The following DPP6 variants were observed in gnomAD, a reference collection of about 807,000 sequenced individuals.
DPP6 encodes the protein A-type potassium channel modulatory protein DPP6.
DPP6 carries 69 observed loss-of-function variants against 122.6 expected under a neutral mutation model. The observed-to-expected ratio is 0.56, with a 90% CI of 0.46 to 0.69. The LOEUF (loss-of-function observed/expected upper bound fraction) is 0.69. DPP6 is among the 30% of genes least tolerant of loss of function. The probability of loss-of-function intolerance (pLI) is 0.00; values close to 1 mark genes in which losing one functional copy is unlikely to be tolerated. For missense variants in DPP6, 928 were observed against 1,116.9 expected, an observed-to-expected ratio of 0.83 and a Z score of 2.41; for synonymous variants, 418 against 433.1, an observed-to-expected ratio of 0.97 and a Z score of 0.43.
chr7:154,879,460 G>A (rs1226714981), intron 20 of DPP6, among the ~76,000 whole-genome samples: 1 of 134,988 alleles, frequency 7.4e-6, no homozygotes, highest in African/African-American at 3.0e-5. Context: ...CGAGGTGGCG[G>A]GCACCTGTAG....
Position 154,755,993 on chromosome 7 carries a change from G to A in DPP6, c.884-13424G>A, listed in dbSNP as rs778465139. Among the ~76,000 whole-genome samples the A allele has an allele frequency of 1.3e-5, 2 of 152,228 alleles. No individual in the cohort carries two copies. The highest frequency in any genetic ancestry group is 2.4e-5 in the African/African-American group (1 of 41,436). Reference sequence around the variant, plus strand: ...TTGCAGAGGAAATATGCTTTTTGCAGAGGGCTTAGAAAACGTGCAGTGAAA... The same window carrying A: ...TTGCAGAGGAAATATGCTTTTTGCAAAGGGCTTAGAAAACGTGCAGTGAAA... On this transcript the variant is annotated intron_variant, in intron 8 of 25. Transcript: ENST00000377770. This position sits in a 1 kb window ranked among gnomAD's most constrained non-coding sequence, Gnocchi z 4.7.
intron 1 of DPP6, among the ~76,000 whole-genome samples, chr7:154,012,161 T>A: frequency 6.6e-6 from 1 of 152,214 alleles, no homozygotes; most frequent in East Asian, 1.9e-4. Context: ...AGTCCACATA[T>A]TCAATTTCTT....
intron 1 of DPP6, among the ~76,000 whole-genome samples, chr7:154,201,926 T>G (rs1799195633): frequency 6.6e-6 from 1 of 152,246 alleles, no homozygotes; most frequent in Non-Finnish European, 1.5e-5. Flanking sequence ...ATCATTGCAA[T>G]AATTCTTGTA....
chr7:154,291,186 ATTGGGACCTT>A (rs1805184276), intron 1 of DPP6, among the ~76,000 whole-genome samples: 1 of 152,268 alleles, frequency 6.6e-6, no homozygotes, highest in South Asian at 2.1e-4. Flanking sequence ...GTTAGGACCT[ATTGGGACCTT>A]TTACTTGCCC....
intron 1 of DPP6, among the ~76,000 whole-genome samples, chr7:154,186,991 A>G (rs1798383268): frequency 6.6e-6 from 1 of 152,226 alleles, no homozygotes; most frequent in African/African-American, 2.4e-5. Flanking sequence ...TTCCTGAGCC[A>G]GTTCCCGTTT....
intron 1 of DPP6, among the ~76,000 whole-genome samples, chr7:153,943,513 G>A (rs1801794098): frequency 6.6e-6 from 1 of 152,102 alleles, no homozygotes; most frequent in Non-Finnish European, 1.5e-5. Flanking sequence ...AGTAGGGAGG[G>A]CAGGGCTGGG....
intron 1 of DPP6, among the ~76,000 whole-genome samples, chr7:154,232,030 T>A (rs1800949769): frequency 6.6e-6 from 1 of 152,166 alleles, no homozygotes; most frequent in Admixed American, 6.5e-5. Flanking sequence ...GCCTCGTGTT[T>A]CATGGTGCAG....
intron 1 of DPP6, among the ~76,000 whole-genome samples, chr7:154,066,890 T>C (rs1208998386): frequency 6.6e-6 from 1 of 151,676 alleles, no homozygotes; most frequent in Non-Finnish European, 1.5e-5. Flanking sequence ...TCTAGAATAG[T>C]GCAGTTGGTT....
At chr7:154,578,093 T>A (rs1301358202) in intron 5 of DPP6, among the ~76,000 whole-genome samples, 1 of 152,222 alleles carries the variant, frequency 6.6e-6, no homozygotes, top group Non-Finnish European at 1.5e-5. Context: ...ATCACACGCA[T>A]TGCCCTTTTA....
chr7:154,647,280 G>A (rs749499398), intron 6 of DPP6, among the ~76,000 whole-genome samples: 13 of 152,150 alleles, frequency 8.5e-5, no homozygotes, highest in Non-Finnish European at 1.6e-4. Flanking sequence ...TGGCCTGCTC[G>A]CCCCTTTACT....
chr7:154,763,070 G>A lies in DPP6; in HGVS notation c.884-6347G>A, dbSNP rs140339882. On this transcript the variant is annotated intron_variant, in intron 8 of 25. Coordinates refer to ENST00000377770, the MANE Select transcript of DPP6 (RefSeq NM_130797.4). ...CTGCCAGCTGGGTGCGGTGGCTCAC[G>A]CCTGTAATCCCAGCACTTTGGGAGG... 5.1e-3 allele frequency among the ~76,000 whole-genome samples: 778 copies of A among 152,316 alleles called. 4 individuals carry two copies. The highest frequency in any genetic ancestry group is 0.02 in the Middle Eastern group (6 of 294).
At chr7:154,553,913 A>C (rs1829827225) in intron 4 of DPP6, among the ~76,000 whole-genome samples, 1 of 151,870 alleles carries the variant, frequency 6.6e-6, no homozygotes, top group African/African-American at 2.4e-5. Flanking sequence ...AAAAAAAAAA[A>C]AAAAAAAAAA....
rs1430555667 is a variant in DPP6, at chr7:154,067,913, T to G, written c.243+14850T>G. ...CCACTCAAGGTTTTTTTTTGTTTTT[T>G]TTTTGTTTGTTTGTTTGTTTGTTTT... On this transcript the variant is annotated intron_variant, in intron 1 of 25. Transcript: ENST00000377770. Among the ~76,000 whole-genome samples the G allele has an allele frequency of 1.4e-5, 2 of 146,414 alleles. 1 individual carries two copies. The highest frequency in any genetic ancestry group is 4.2e-4 in the South Asian group (2 of 4,756).
chr7:154,014,318 C>A (rs1350192144), intron 1 of DPP6, among the ~76,000 whole-genome samples: 5 of 142,820 alleles, frequency 3.5e-5, no homozygotes, highest in African/African-American at 1.1e-4. Context: ...TAAGGCCAAC[C>A]TTATCTGTGA....
chr7:154,187,843 A>G (rs1371985862), intron 1 of DPP6, among the ~76,000 whole-genome samples: 3 of 152,200 alleles, frequency 2.0e-5, no homozygotes, highest in African/African-American at 4.8e-5. Flanking sequence ...AGCTTTAAAA[A>G]AAAAACTTCT....
chr7:154,138,571 G>C (rs1336675276), intron 1 of DPP6, among the ~76,000 whole-genome samples: 1 of 151,964 alleles, frequency 6.6e-6, no homozygotes, highest in Non-Finnish European at 1.5e-5. Flanking sequence ...GGAACTCTTT[G>C]GTTGTGAGAC....
At chr7:154,742,874 C>T (rs1047773829) in intron 8 of DPP6, among the ~76,000 whole-genome samples, 1 of 151,680 alleles carries the variant, frequency 6.6e-6, no homozygotes, top group South Asian at 2.1e-4. Context: ...CTGGGACTTA[C>T]GGGCAAAGGG....
chr7:154,108,728 C>G (rs1258333990), intron 1 of DPP6, among the ~76,000 whole-genome samples: 2 of 152,234 alleles, frequency 1.3e-5, no homozygotes, highest in Non-Finnish European at 2.9e-5. Flanking sequence ...CTCACCCATT[C>G]CTTCCAGCAA....
At chr7:154,068,434 G>A (rs1446122311) in intron 1 of DPP6, among the ~76,000 whole-genome samples, 3 of 145,978 alleles carry the variant, frequency 2.1e-5, no homozygotes, top group African/African-American at 7.7e-5. Context: ...TTAGAATCCA[G>A]GAGAAAGCTA....
Sources: allele counts gnomAD v4.1 joint callset (sites outside exome capture counted in the v4.1 genomes callset), GRCh38; gene constraint gnomAD v4.1.1; non-coding constraint Gnocchi (gnomAD v3.1); transcripts MANE v1.5; gene names NCBI Gene and HGNC (gene_info 2026-07-23, HGNC 2026-07-21).